TASOR: variants seen among roughly 807,000 people sequenced by gnomAD.
The protein encoded by TASOR is protein TASOR.
In TASOR, 53 loss-of-function variants were observed where a neutral mutation model predicts 178.6. That is an observed-to-expected ratio of 0.30 (90% CI 0.24 to 0.37). The LOEUF is 0.37. Among genes scored for constraint, TASOR ranks in the 10% least tolerant of loss-of-function variants. The pLI, the probability that TASOR is intolerant of heterozygous loss-of-function variation, is 1.00. For missense variants in TASOR, 1,815 were observed against 1,971.4 expected, an observed-to-expected ratio of 0.92 and a Z score of 1.50; for synonymous variants, 713 against 696.2, an observed-to-expected ratio of 1.02 and a Z score of -0.38.
In TASOR at chr3:56,621,718, AT is replaced by A. The variant is rs1330006692; in HGVS notation, c.*1318del. The A allele has an allele frequency of 4.3e-6, 3 of 702,688 alleles. No individual in the cohort carries two copies. Among genetic ancestry groups the A allele is most frequent in the Non-Finnish European group, 4.6e-6 (2 of 438,850 alleles). The allele number at this position is 702,688 out of a possible 1,614,324, so 43.5% of individuals were successfully genotyped here. ...TTTTTCAAATAGCCTAGATTTACTT[AT>A]TTTTTTAAATGCTCATTAAAAACTT... On this transcript the variant is annotated 3_prime_UTR_variant, in exon 24 of 24. Coordinates refer to ENST00000683822, the MANE Select transcript of TASOR (RefSeq NM_001365635.2).
Position 56,660,914 on chromosome 3 carries a change from C to G in TASOR, c.1264G>C (p.Val422Leu). Residue 422 changes from valine (V) to leucine (L), a missense_variant and splice_region_variant, in exon 10 of 24, where the codon GTT becomes CTT. Physicochemically the swap from Val to Leu is conservative, Grantham distance 32. Transcript: ENST00000683822. ...YKETYLGPNE[V>L]LKNGMYCSLY... ...TTTCAATAAAATTAAATTACCTTAC[C>G]TTCATTTGGACCTAAGTATGTTTCC... The G allele has an allele frequency of 6.2e-7, 1 of 1,610,288 alleles. No individual in the cohort carries two copies. Among genetic ancestry groups the G allele is most frequent in the Non-Finnish European group, 8.5e-7 (1 of 1,177,804 alleles).
chr3:56,644,722 G>A (rs555059874), intron 14 of TASOR, among the ~76,000 whole-genome samples: 2 of 152,218 alleles, frequency 1.3e-5, no homozygotes, highest in African/African-American at 4.8e-5. Context: ...CCACCAAAGA[G>A]ATAAAGAACA....
chr3:56,623,719 C>T (rs1018265667), intron 23 of TASOR, 153 bp from the exon 24 acceptor site: 2 of 1,544,172 alleles, frequency 1.3e-6, no homozygotes, highest in East Asian at 2.4e-5. Flanking sequence ...CACTTAGTCA[C>T]AACACTCACA....
At chr3:56,656,494 G>C (rs559814126) in intron 11 of TASOR, among the ~76,000 whole-genome samples, 98 of 152,100 alleles carry the variant, frequency 6.4e-4, no homozygotes, top group Admixed American at 1.8e-3. Context: ...AGGAGGCTGA[G>C]GCAGGAGAAT....
chr3:56,662,385 A>G lies in TASOR; in HGVS notation c.1160T>C (p.Leu387Pro). ...SATRAFLPIK[L>P]PEKLDVETVM... Reference sequence around the variant, plus strand: ...CGAACTGCTCTTTACTTATACTTACAGTTTGATAGGCAAAAAAGCACGAGT... The same window carrying G: ...CGAACTGCTCTTTACTTATACTTACGGTTTGATAGGCAAAAAAGCACGAGT... Residue 387 changes from leucine to proline, a missense_variant and splice_region_variant, in exon 9 of 24, where the codon CTA (leucine) becomes CCA (proline). Transcript: ENST00000683822. The G allele has an allele frequency of 6.6e-7, 1 of 1,518,752 alleles. No individual in the cohort carries two copies. Among genetic ancestry groups the G allele is most frequent in the Non-Finnish European group, 8.9e-7 (1 of 1,117,972 alleles). 94.1% of individuals were successfully genotyped at this position (1,518,752 alleles called of 1,614,324 possible).
intron 7 of TASOR, among the ~76,000 whole-genome samples, chr3:56,665,073 C>T (rs907335865): frequency 1.3e-5 from 2 of 151,958 alleles, no homozygotes; most frequent in African/African-American, 2.4e-5. Context: ...TTGGGAGGAT[C>T]GCTTGCACAC....
At chr3:56,679,377 G>A (rs1034268740) in intron 1 of TASOR, among the ~76,000 whole-genome samples, 3 of 152,158 alleles carry the variant, frequency 2.0e-5, no homozygotes, top group Non-Finnish European at 4.4e-5. Flanking sequence ...AAGTTTTTTG[G>A]ACTGAGGATA....
At chr3:56,663,760 GTACT>G in intron 7 of TASOR, 188 bp from the exon 8 acceptor site, 17 of 1,039,198 alleles carry the variant, frequency 1.6e-5, no homozygotes, top group Non-Finnish European at 2.0e-5. Flanking sequence ...GAAAACAGAA[GTACT>G]TACTTCGCTC....
chr3:56,675,829 G>T (rs2031241157), intron 1 of TASOR, among the ~76,000 whole-genome samples: 1 of 152,152 alleles, frequency 6.6e-6, no homozygotes, highest in African/African-American at 2.4e-5. Flanking sequence ...TTTTATACAT[G>T]ATTATTAGAC....
chr3:56,646,983 T>G lies in TASOR; in HGVS notation c.1754A>C (p.Lys585Thr). The change falls in exon 14 of 24, where the codon AAA (lysine) becomes ACA (threonine). Residue 585 changes from lysine to threonine, a missense_variant. Physicochemically the swap from Lys to Thr is moderately conservative, Grantham distance 78. Around this residue, in one of 5 missense-constraint regions of TASOR, gnomAD observed 504 missense variants for 645.3 expected, o/e 0.78. Coordinates refer to ENST00000683822, the MANE Select transcript of TASOR (RefSeq NM_001365635.2). The part of the protein sequence containing the change: ...MFPYDSRLDD[K>T]KFLYSAPRNK... Reference sequence around the variant, plus strand: ...TCTGGGAGCTGAGTATAAGAATTTTTTATCATCTAATCGTGAATCATATGG... The same window carrying G: ...TCTGGGAGCTGAGTATAAGAATTTTGTATCATCTAATCGTGAATCATATGG... 1 of 1,606,712 alleles carries G rather than the reference T, an allele frequency of 6.2e-7. No individual in the cohort carries two copies. Among genetic ancestry groups the G allele is most frequent in the Non-Finnish European group, 8.5e-7 (1 of 1,178,364 alleles).
At chr3:56,658,633 A>C (rs770949673) in intron 11 of TASOR, among the ~76,000 whole-genome samples, 10 of 152,216 alleles carry the variant, frequency 6.6e-5, no homozygotes, top group Admixed American at 1.3e-4. Context: ...GTAAGAAGGA[A>C]GGGCCAGGCG....
At position 56,633,655 on chromosome 3, in the gene TASOR, T is replaced by C; in HGVS notation, c.3136A>G (p.Thr1046Ala). The change falls in exon 18 of 24, where the codon ACA (threonine) becomes GCA (alanine). Residue 1046 changes from threonine to alanine, a missense_variant. Thr to Ala is a moderately conservative substitution (Grantham distance 58). Around this residue, in one of 5 missense-constraint regions of TASOR, gnomAD observed 655 missense variants for 671.1 expected, o/e 0.98. Transcript: ENST00000683822. ...GTTGAAAAGATAGGTGTGGAAACTG[T>C]ACTGACATATGAAACATTCTTTTGC... ...LKQKNVSYVS[T>A]VSTPIFSTQE... 1 of 1,614,166 alleles carries C rather than the reference T, an allele frequency of 6.2e-7. No homozygotes were observed. Among genetic ancestry groups the C allele is most frequent in the Non-Finnish European group, 8.5e-7 (1 of 1,180,008 alleles).
chr3:56,660,572 C>A (rs926820662), intron 11 of TASOR, among the ~76,000 whole-genome samples, 159 bp downstream of exon 11: 17 of 151,138 alleles, frequency 1.1e-4, no homozygotes, highest in African/African-American at 2.4e-5. Flanking sequence ...TAAAAGAATA[C>A]CAGAACCACA....
rs1318884728 is a variant in TASOR, at chr3:56,671,641, G to A, written c.529C>T (p.Leu177Phe). The change falls in exon 3 of 24, where the codon CTT (leucine) becomes TTT (phenylalanine). Residue 177 changes from leucine (L) to phenylalanine (F), a missense_variant. Transcript: ENST00000683822. ...LKFDGRLDKELSESYAFLMVD... is the reference protein window; with the variant it reads ...LKFDGRLDKEFSESYAFLMVD... Reference sequence around the variant, plus strand: ...ATCAGAAATGCATAGGATTCTGAAAGTTCCTTATCTAAACGACCATCAAAC... The same window carrying A: ...ATCAGAAATGCATAGGATTCTGAAAATTCCTTATCTAAACGACCATCAAAC... 1 of 1,549,810 alleles carries A rather than the reference G, an allele frequency of 6.5e-7. No homozygotes were observed.
intron 20 of TASOR, 52 bp downstream of exon 20, chr3:56,627,530 A>G (rs1298283979): frequency 8.2e-6 from 13 of 1,585,706 alleles, no homozygotes; most frequent in Non-Finnish European, 1.7e-6. Flanking sequence ...AGTACATTAA[A>G]AAGTATGAGA....
In TASOR at chr3:56,641,487, C is replaced by G; in HGVS notation, c.2481G>C (p.Gln827His). The G allele has an allele frequency of 1.2e-6, 2 of 1,613,738 alleles. No homozygotes were observed. Among genetic ancestry groups the G allele is most frequent in the Non-Finnish European group, 1.7e-6 (2 of 1,179,640 alleles). Reference protein sequence around the residue: ...NSTPDKKDYEQPTCAKVENAQ... With the variant: ...NSTPDKKDYEHPTCAKVENAQ... The stretch of plus-strand genomic sequence containing the variant: ...CATTTTCAACTTTTGCACAAGTAGG[C>G]TGCTCATAGTCTTTCTTATCTGGGG... The change falls in exon 15 of 24, where the codon CAG (glutamine) becomes CAC (histidine). Residue 827 changes from glutamine (Q) to histidine (H), a missense_variant. By Grantham distance (24) the Gln-to-His change is conservative (BLOSUM62 0). Around this residue, in one of 5 missense-constraint regions of TASOR, gnomAD observed 655 missense variants for 671.1 expected, o/e 0.98. Coordinates refer to ENST00000683822, the MANE Select transcript of TASOR (RefSeq NM_001365635.2).
chr3:56,631,820 T>A (rs1404687560), intron 18 of TASOR, among the ~76,000 whole-genome samples: 1 of 152,108 alleles, frequency 6.6e-6, no homozygotes, highest in Non-Finnish European at 1.5e-5. Context: ...CCTGAACTCG[T>A]GATCCACCCG....
At position 56,641,670 on chromosome 3, in the gene TASOR, A is replaced by C; in HGVS notation, c.2298T>G (p.Ala766=). The part of the protein sequence containing the change: ...QQQDTCNSGI[A]DIHRLFNWLS... The stretch of plus-strand genomic sequence containing the variant: ...ACCAATTAAACAGCCTATGGATGTC[A>C]GCAATGCCGGAGTTACAGGTATCCT... The change falls in exon 15 of 24, where the codon GCT becomes GCG. Residue 766 remains alanine, a synonymous_variant. Transcript: ENST00000683822. 1 of 1,614,252 alleles carries C rather than the reference A, an allele frequency of 6.2e-7. No individual in the cohort carries two copies. The highest frequency in any genetic ancestry group is 8.5e-7 in the Non-Finnish European group (1 of 1,180,048).
chr3:56,626,987 G>A (rs747854144), intron 21 of TASOR, 50 bp downstream of exon 21: 8 of 1,120,170 alleles, frequency 7.1e-6, no homozygotes, highest in Middle Eastern at 2.0e-4. Context: ...AATATTATGA[G>A]TACAATGTTA....
Sources: gnomAD v4.1 joint callset for allele counts (sites outside exome capture counted in the v4.1 genomes callset) on GRCh38, gnomAD v4.1.1 for gene constraint, gnomAD v4.1.1 regional missense constraint, MANE v1.5 for transcripts, NCBI Gene and HGNC (gene_info 2026-07-23, HGNC 2026-07-21) for gene names.